ABI1: variants seen among roughly 807,000 people sequenced by gnomAD.
ABI1 encodes the protein Abelson interactor 1.
A neutral mutation model predicts 54.6 loss-of-function variants in ABI1; 14 were observed. The ratio of observed to expected loss-of-function variants is 0.26; its 90% CI spans 0.17 to 0.40. The LOEUF (loss-of-function observed/expected upper bound fraction) is 0.40, where lower values mean the gene tolerates loss of function less well. ABI1 is among the 10% of genes least tolerant of loss of function. The probability of loss-of-function intolerance (pLI) is 1.00; values close to 1 mark genes in which losing one functional copy is unlikely to be tolerated. For synonymous variants in ABI1, 194 were observed against 209.3 expected, an observed-to-expected ratio of 0.93 and a Z score of 0.63; for missense variants, 443 against 598.3, an observed-to-expected ratio of 0.74 and a Z score of 2.71.
At chr10:26,784,256 T>C (rs534248815) in intron 2 of ABI1, among the ~76,000 whole-genome samples, 7 of 152,332 alleles carry the variant, frequency 4.6e-5, no homozygotes, top group African/African-American at 1.7e-4. Context: ...CAGCAGAGGA[T>C]GGTCCAAGCT....
chr10:26,860,650 G>T lies in ABI1; in HGVS notation c.117+97C>A. ...GTAGGGGCTCGGGTTGGTGGCAGCC[G>T]CTGAGGTCAGGGCAGTTCCCCACCC... On this transcript the variant is annotated intron_variant, in intron 1 of 10. Coordinates refer to ENST00000376140, the MANE Select transcript of ABI1 (RefSeq NM_001012750.3). The surrounding 1 kb of genome is among the most constrained non-coding windows in gnomAD (Gnocchi z 4.1). The T allele has an allele frequency of 1.0e-6, 1 of 959,362 alleles. No homozygotes were observed. The allele number at this position is 959,362 out of a possible 1,614,324, so 59.4% of individuals were successfully genotyped here.
chr10:26,809,409 A>C (rs1281518574), intron 2 of ABI1, among the ~76,000 whole-genome samples: 3 of 151,292 alleles, frequency 2.0e-5, no homozygotes, highest in Admixed American at 6.6e-5. Flanking sequence ...AGATGAAAAA[A>C]CCAGCCAAGC....
intron 1 of ABI1, among the ~76,000 whole-genome samples, chr10:26,842,896 T>A (rs972300556): frequency 2.6e-5 from 4 of 151,856 alleles, no homozygotes; most frequent in African/African-American, 9.7e-5. Flanking sequence ...ATATAAAAAT[T>A]AGCCGGGCAT....
rs370075224 is a variant in ABI1, at chr10:26,784,351, T to C, written c.286-7110A>G. Among the ~76,000 whole-genome samples, 59 of 152,284 alleles carry C rather than the reference T, an allele frequency of 3.9e-4. No homozygotes were observed. In the South Asian group the frequency reaches 8.9e-3, roughly 23 times the overall value. On this transcript the variant is annotated intron_variant, in intron 2 of 10. Coordinates refer to ENST00000376140, the MANE Select transcript of ABI1 (RefSeq NM_001012750.3). Reference sequence around the variant, plus strand: ...CATTTCAAGGGACAGATGAATGCCATTGAGTTGGTGGCACAGATAATAAAC... The same window carrying C: ...CATTTCAAGGGACAGATGAATGCCACTGAGTTGGTGGCACAGATAATAAAC...
At chr10:26,750,284 A>G (rs953483239) in intron 10 of ABI1, among the ~76,000 whole-genome samples, 6 of 152,234 alleles carry the variant, frequency 3.9e-5, no homozygotes, top group African/African-American at 1.4e-4. Context: ...ACTTGAGGTC[A>G]GGAGTTCAAG....
At chr10:26,830,409 C>T (rs2048588535) in intron 1 of ABI1, among the ~76,000 whole-genome samples, 2 of 151,978 alleles carry the variant, frequency 1.3e-5, no homozygotes, top group Non-Finnish European at 2.9e-5. Context: ...ACTGCTTAAG[C>T]TCAGGAGTTC....
intron 1 of ABI1, among the ~76,000 whole-genome samples, chr10:26,833,958 A>C (rs1426688722): frequency 6.6e-6 from 1 of 152,250 alleles, no homozygotes; most frequent in Non-Finnish European, 1.5e-5. Context: ...GGCCGGGCAC[A>C]GTGGCTCATG....
intron 8 of ABI1, 59 bp downstream of exon 8, chr10:26,759,003 A>C: frequency 6.8e-7 from 1 of 1,479,150 alleles, no homozygotes; most frequent in Non-Finnish European, 9.2e-7. Flanking sequence ...AACAGTTTCA[A>C]ATAATTTCCT....
intron 2 of ABI1, among the ~76,000 whole-genome samples, chr10:26,811,305 T>C (rs2047213477): frequency 6.6e-6 from 1 of 152,214 alleles, no homozygotes. Context: ...ATGTGTTCTG[T>C]AGCATGTATT....
chr10:26,813,619 C>T (rs994446269), intron 2 of ABI1, among the ~76,000 whole-genome samples: 9 of 152,196 alleles, frequency 5.9e-5, no homozygotes, highest in African/African-American at 2.2e-4. Flanking sequence ...TTTCTAACTA[C>T]ATATTTTTGT....
At chr10:26,765,112 A>C (rs181915983) in intron 7 of ABI1, 106 bp downstream of exon 7, 3 of 809,070 alleles carry the variant, frequency 3.7e-6, no homozygotes, top group East Asian at 2.9e-5. Flanking sequence ...CAACGATCAC[A>C]AATTTAATTA....
rs144455739 is a variant in ABI1, at chr10:26,835,615, T to TAC, written c.118-12312_118-12311dup. On this transcript the variant is annotated intron_variant, in intron 1 of 10. Coordinates refer to ENST00000376140, the MANE Select transcript of ABI1 (RefSeq NM_001012750.3). ...AAATTATTCTATACCTAATTTTAAA[T>TAC]ACACACACACACACACACACAAATG... Among the ~76,000 whole-genome samples, 661 of 149,464 alleles carry TAC rather than the reference T, an allele frequency of 4.4e-3. 1 individual carries two copies. The highest frequency in any genetic ancestry group is 7.0e-3 in the East Asian group (36 of 5,130).
Position 26,747,123 on chromosome 10 carries a change from C to G in ABI1, c.*1447G>C. 1 of 228,206 alleles carries G rather than the reference C, an allele frequency of 4.4e-6. No individual in the cohort carries two copies. The highest frequency in any genetic ancestry group is 8.7e-6 in the Non-Finnish European group (1 of 114,924). 14.1% of individuals were successfully genotyped at this position (228,206 alleles called of 1,614,324 possible). A position where few individuals can be genotyped will look rare whatever the true frequency, so the allele number is the denominator to read the frequency against. ...AATTTTCAGAAATAACTGTTTTGCA[C>G]TAGTCTTACCATTCACTATGCTGTT... On this transcript the variant is annotated 3_prime_UTR_variant, in exon 11 of 11. Coordinates refer to ENST00000376140, the MANE Select transcript of ABI1 (RefSeq NM_001012750.3).
chr10:26,838,103 A>G (rs2049223392), intron 1 of ABI1, among the ~76,000 whole-genome samples: 1 of 150,450 alleles, frequency 6.6e-6, no homozygotes, highest in Admixed American at 6.6e-5. Context: ...AGCTCACTGC[A>G]ACCTCCATCT....
At chr10:26,781,694 G>GAATGACT (rs1564491242) in intron 2 of ABI1, among the ~76,000 whole-genome samples, 2 of 152,152 alleles carry the variant, frequency 1.3e-5, no homozygotes, top group Non-Finnish European at 2.9e-5. Flanking sequence ...TCAGCCACTT[G>GAATGACT]GAAAACTACA....
intron 1 of ABI1, among the ~76,000 whole-genome samples, chr10:26,828,034 C>T (rs1364386645): frequency 6.6e-6 from 1 of 152,226 alleles, no homozygotes; most frequent in Non-Finnish European, 1.5e-5. Context: ...TTTTGACTTG[C>T]CTTCCTCGCT....
intron 1 of ABI1, among the ~76,000 whole-genome samples, chr10:26,829,876 A>T (rs962248498): frequency 3.3e-5 from 5 of 152,310 alleles, no homozygotes; most frequent in Admixed American, 1.3e-4. Context: ...ATTAAAATTT[A>T]AAAATTTTCA....
At chr10:26,801,647 C>T (rs562058297) in intron 2 of ABI1, among the ~76,000 whole-genome samples, 2 of 152,256 alleles carry the variant, frequency 1.3e-5, no homozygotes, top group East Asian at 3.9e-4. Context: ...ATAAAAAGCT[C>T]TTTTGTCCTA....
intron 6 of ABI1, among the ~76,000 whole-genome samples, chr10:26,765,676 G>A (rs934051049): frequency 1.3e-5 from 2 of 150,678 alleles, no homozygotes; most frequent in Admixed American, 1.3e-4. Context: ...GAGGGAGGGA[G>A]GGAGAGTGGG....
Sources: gnomAD v4.1 joint callset for allele counts (sites outside exome capture counted in the v4.1 genomes callset) on GRCh38, gnomAD v4.1.1 for gene constraint, Gnocchi (gnomAD v3.1) non-coding constraint, MANE v1.5 for transcripts, NCBI Gene and HGNC (gene_info 2026-07-23, HGNC 2026-07-21) for gene names.